The following MSI2 variants were observed in gnomAD, a reference collection of about 807,000 sequenced individuals.
The protein encoded by MSI2 is musashi RNA binding protein 2.
A neutral mutation model predicts 45.6 loss-of-function variants in MSI2; 17 were observed. That is an observed-to-expected ratio of 0.37 (90% CI 0.26 to 0.56). The LOEUF (loss-of-function observed/expected upper bound fraction) is 0.56. Ranked by LOEUF, MSI2 falls within the 20% of genes least tolerant of loss-of-function variation. The pLI is 0.77. For missense variants in MSI2, 293 were observed against 444.2 expected (o/e 0.66, Z 3.06); for synonymous variants, 156 against 158.2 (o/e 0.99, Z 0.11).
intron 9 of MSI2, chr17:57,616,714 G>A (rs931396393): frequency 3.3e-5 from 5 of 151,890 alleles, no homozygotes; most frequent in Admixed American, 2.6e-4. Context: ...AAATTGAGTT[G>A]CATATTATGT....
At chr17:57,339,706 A>T (rs1232696381) in intron 5 of MSI2, among the ~76,000 whole-genome samples, 1 of 152,074 alleles carries the variant, frequency 6.6e-6, no homozygotes, top group Admixed American at 6.6e-5. Context: ...CAGTGGGTGA[A>T]CTGTTGCCTT....
At chr17:57,455,148 G>A (rs1567833923) in intron 6 of MSI2, among the ~76,000 whole-genome samples, 1 of 152,090 alleles carries the variant, frequency 6.6e-6, no homozygotes, top group Non-Finnish European at 1.5e-5. Context: ...GTGGCTCTGG[G>A]GCTTGTATTA....
At chr17:57,615,890 C>T in intron 8 of MSI2, 80 bp from the exon 9 acceptor site, 1 of 1,106,764 alleles carries the variant, frequency 9.0e-7, no homozygotes, top group South Asian at 1.3e-5. Context: ...AATAACTTAG[C>T]TCATAACCAG....
chr17:57,347,805 C>T lies in MSI2; in HGVS notation c.313-53574C>T, dbSNP rs186449930. Among the ~76,000 whole-genome samples, 418 of 152,274 alleles carry T rather than the reference C, an allele frequency of 2.7e-3. 10 individuals are homozygous for T. The highest frequency in any genetic ancestry group is 7.4e-4 in the Non-Finnish European group (50 of 68,024). On this transcript the variant is annotated intron_variant, in intron 5 of 13. Coordinates refer to ENST00000284073, the MANE Select transcript of MSI2 (RefSeq NM_138962.4). Reference sequence around the variant, plus strand: ...GCAACTCCTTCTCAAGTCATTTCAGCGATCCTTCAGTCTTTTTCAGGACAT... The same window carrying T: ...GCAACTCCTTCTCAAGTCATTTCAGTGATCCTTCAGTCTTTTTCAGGACAT...
chr17:57,665,805 C>T (rs1912322040), intron 11 of MSI2, among the ~76,000 whole-genome samples: 1 of 152,146 alleles, frequency 6.6e-6, no homozygotes, highest in African/African-American at 2.4e-5. Context: ...GAGGGGAGTT[C>T]TAGCGAGGGC....
chr17:57,313,766 G>A (rs1324971847), intron 5 of MSI2, among the ~76,000 whole-genome samples: 2 of 152,232 alleles, frequency 1.3e-5, no homozygotes, highest in African/African-American at 4.8e-5. Context: ...TAGGCACAGA[G>A]ACAGGTGAGA....
At chr17:57,447,227 T>C (rs985311784) in intron 6 of MSI2, among the ~76,000 whole-genome samples, 5 of 152,070 alleles carry the variant, frequency 3.3e-5, no homozygotes, top group African/African-American at 9.7e-5. Flanking sequence ...GCTAGGGCTA[T>C]AGGTGTGTGC....
chr17:57,324,341 G>A (rs1383280616), intron 5 of MSI2, among the ~76,000 whole-genome samples: 2 of 152,178 alleles, frequency 1.3e-5, no homozygotes, highest in South Asian at 2.1e-4. Flanking sequence ...TGCACAGACA[G>A]GAGGCAGCTT....
intron 6 of MSI2, among the ~76,000 whole-genome samples, chr17:57,408,689 T>C (rs1598229146): frequency 1.3e-5 from 2 of 152,030 alleles, no homozygotes; most frequent in Non-Finnish European, 2.9e-5. Context: ...GAGTTGTTAG[T>C]AGGAGAAAAT....
chr17:57,611,846 G>A lies in MSI2; in HGVS notation c.538-4124G>A, dbSNP rs1284659436. On this transcript the variant is annotated intron_variant, in intron 8 of 13. Transcript: ENST00000284073. ...GCCCCAGTCACCACCTGACCACAGC[G>A]CCATGAGACCACCAGCAAGAGCCCA... 1.5e-4 allele frequency among the ~76,000 whole-genome samples: 14 copies of A among 94,948 alleles called. 2 individuals carry two copies. The highest frequency in any genetic ancestry group is 3.9e-4 in the South Asian group (1 of 2,582). The allele number at this position is 94,948 out of a possible 152,430, so 62.3% of individuals were successfully genotyped here. A position where few individuals can be genotyped will look rare whatever the true frequency, so the allele number is the denominator to read the frequency against.
chr17:57,584,796 T>G (rs1037640147), intron 7 of MSI2, among the ~76,000 whole-genome samples: 62 of 151,876 alleles, frequency 4.1e-4, no homozygotes, highest in Admixed American at 2.2e-3. Context: ...TTTGGGTTTT[T>G]TTTTTTTTTT....
chr17:57,288,832 G>A (rs1231077321), intron 5 of MSI2, among the ~76,000 whole-genome samples: 1 of 152,114 alleles, frequency 6.6e-6, no homozygotes, highest in Non-Finnish European at 1.5e-5. Context: ...AAGGGTGGAG[G>A]TTGGGGAAGT....
chr17:57,619,228 T>G (rs1477727222), intron 9 of MSI2, among the ~76,000 whole-genome samples: 1 of 152,154 alleles, frequency 6.6e-6, no homozygotes, highest in East Asian at 1.9e-4. Flanking sequence ...CATTTCATCA[T>G]GGGAACACAG....
chr17:57,539,014 A>G (rs1197235652), intron 7 of MSI2, among the ~76,000 whole-genome samples: 1 of 152,212 alleles, frequency 6.6e-6, no homozygotes, highest in Non-Finnish European at 1.5e-5. Flanking sequence ...CCCATACTAA[A>G]CACTCAAATA....
chr17:57,266,892 G>A (rs1907841214), intron 5 of MSI2: 1 of 152,300 alleles, frequency 6.6e-6, no homozygotes, highest in Admixed American at 6.5e-5. Flanking sequence ...GGCTGAGCTA[G>A]CAGTCAGGTT....
At chr17:57,412,209 TG>T (rs1450744140) in intron 6 of MSI2, among the ~76,000 whole-genome samples, 4 of 152,008 alleles carry the variant, frequency 2.6e-5, no homozygotes, top group Non-Finnish European at 5.9e-5. Context: ...GAATAATTTT[TG>T]TATTTTTAGT....
At chr17:57,613,049 G>T (rs1006398246) in intron 8 of MSI2, among the ~76,000 whole-genome samples, 1 of 152,146 alleles carries the variant, frequency 6.6e-6, no homozygotes, top group African/African-American at 2.4e-5. Context: ...ATTTGGATGA[G>T]TTTGTTGTTT....
intron 7 of MSI2, among the ~76,000 whole-genome samples, chr17:57,588,658 T>TGC (rs1211295374): frequency 6.6e-6 from 1 of 152,196 alleles, no homozygotes; most frequent in East Asian, 1.9e-4. Context: ...GAAGCCAACA[T>TGC]AGAGCTGGAG....
At chr17:57,677,894 G>T (rs1913344464) in intron 13 of MSI2, among the ~76,000 whole-genome samples, 1 of 152,220 alleles carries the variant, frequency 6.6e-6, no homozygotes, top group Non-Finnish European at 1.5e-5. Flanking sequence ...GCAAGGGAGA[G>T]GGGTTGTCCT....
Sources: gnomAD v4.1 joint callset for allele counts (sites outside exome capture counted in the v4.1 genomes callset) on GRCh38, gnomAD v4.1.1 for gene constraint, MANE v1.5 for transcripts, NCBI Gene and HGNC (gene_info 2026-07-23, HGNC 2026-07-21) for gene names.